MSRA: variants seen among roughly 807,000 people sequenced by gnomAD.
MSRA encodes the protein mitochondrial peptide methionine sulfoxide reductase.
MSRA carries 54 observed loss-of-function variants against 31.3 expected under a neutral mutation model. The observed-to-expected ratio is 1.73, with a 90% CI of 1.39 to 2.17. The LOEUF (loss-of-function observed/expected upper bound fraction) is 2.17. Ranked by LOEUF, MSRA falls within the 30% of genes most tolerant of loss-of-function variation. The pLI, the probability that MSRA is intolerant of heterozygous loss-of-function variation, is 0.00. For missense variants in MSRA, 507 were observed against 300.9 expected, an observed-to-expected ratio of 1.69 and a Z score of -5.07; for synonymous variants, 169 against 116.5, an observed-to-expected ratio of 1.45 and a Z score of -2.90.
chr8:10,320,335 G>C (rs1278061094), intron 5 of MSRA: 1 of 161,408 alleles, frequency 6.2e-6, no homozygotes, highest in Non-Finnish European at 1.4e-5. Flanking sequence ...AGGCATGGTG[G>C]CCTGCACCTA....
intron 1 of MSRA, among the ~76,000 whole-genome samples, chr8:10,069,460 A>C (rs962933279): frequency 6.6e-6 from 1 of 152,208 alleles, no homozygotes; most frequent in East Asian, 1.9e-4. Context: ...GAACTGGGTA[A>C]TTTATAAAGA....
chr8:10,174,164 TTCCAA>T (rs1805838180), intron 1 of MSRA, among the ~76,000 whole-genome samples: 1 of 152,172 alleles, frequency 6.6e-6, no homozygotes, highest in African/African-American at 2.4e-5. Context: ...TGTCTGCACA[TTCCAA>T]ACAGGGATTT....
chr8:10,183,261 A>G (rs989164104), intron 1 of MSRA, among the ~76,000 whole-genome samples: 2 of 152,204 alleles, frequency 1.3e-5, no homozygotes, highest in Non-Finnish European at 2.9e-5. Flanking sequence ...GGAGGTGATA[A>G]AGACAGCTTA....
intron 1 of MSRA, among the ~76,000 whole-genome samples, chr8:10,063,327 C>A (rs1489786681): frequency 6.6e-6 from 1 of 152,228 alleles, no homozygotes; most frequent in Non-Finnish European, 1.5e-5. Context: ...TTATCAACAT[C>A]TACCTAAAAT....
chr8:10,272,431 T>G (rs1799092972), intron 3 of MSRA, among the ~76,000 whole-genome samples: 1 of 152,202 alleles, frequency 6.6e-6, no homozygotes, highest in South Asian at 2.1e-4. Context: ...AATCAGTGTC[T>G]CAGCTCAATC....
intron 1 of MSRA, among the ~76,000 whole-genome samples, chr8:10,187,986 T>A (rs1326849017): frequency 6.6e-6 from 1 of 152,226 alleles, no homozygotes; most frequent in Admixed American, 6.5e-5. Flanking sequence ...TTACAGACTT[T>A]GAGTATTTGT....
At chr8:10,184,797 C>G (rs1346696475) in intron 1 of MSRA, among the ~76,000 whole-genome samples, 2 of 152,174 alleles carry the variant, frequency 1.3e-5, no homozygotes, top group African/African-American at 2.4e-5. Flanking sequence ...AGTCGTATAA[C>G]TGACAACTGT....
chr8:10,414,182 C>G (rs779610354), intron 5 of MSRA, among the ~76,000 whole-genome samples: 1 of 151,716 alleles, frequency 6.6e-6, no homozygotes. Flanking sequence ...AAAAAAAAAA[C>G]GAATTTTATG....
intron 5 of MSRA, among the ~76,000 whole-genome samples, chr8:10,422,585 GACAC>G (rs973121266): frequency 6.6e-6 from 1 of 152,130 alleles, no homozygotes; most frequent in Non-Finnish European, 1.5e-5. Flanking sequence ...AGGTCAGCAA[GACAC>G]ACACACAAAA....
chr8:10,414,770 C>T (rs80221058), intron 5 of MSRA, among the ~76,000 whole-genome samples: 7,116 of 152,216 alleles, frequency 0.047, 425 homozygotes, highest in African/African-American at 0.14. Flanking sequence ...CCTTGGCTTT[C>T]CCTGAAAAGT....
At chr8:10,158,106 G>T (rs1804316415) in intron 1 of MSRA, among the ~76,000 whole-genome samples, 2 of 152,160 alleles carry the variant, frequency 1.3e-5, no homozygotes, top group African/African-American at 4.8e-5. Flanking sequence ...TCACATGCTG[G>T]AAGGGCCTCT....
intron 5 of MSRA, among the ~76,000 whole-genome samples, chr8:10,422,572 A>T (rs1202372325): frequency 6.6e-6 from 1 of 152,156 alleles, no homozygotes; most frequent in Non-Finnish European, 1.5e-5. Flanking sequence ...ACTTCTTTCT[A>T]AAAGGTCAGC....
At chr8:10,362,598 C>T (rs1269437742) in intron 5 of MSRA, among the ~76,000 whole-genome samples, 1 of 151,928 alleles carries the variant, frequency 6.6e-6, no homozygotes, top group Non-Finnish European at 1.5e-5. Flanking sequence ...ACTGTTTTCT[C>T]TCCAAGCAGT....
At chr8:10,416,772 C>G (rs1808486444) in intron 5 of MSRA, among the ~76,000 whole-genome samples, 1 of 152,224 alleles carries the variant, frequency 6.6e-6, no homozygotes, top group Non-Finnish European at 1.5e-5. Flanking sequence ...CTTTGCATTT[C>G]TTGCAAACTT....
intron 1 of MSRA, among the ~76,000 whole-genome samples, chr8:10,151,665 C>G (rs913546009): frequency 1.3e-5 from 2 of 152,042 alleles, no homozygotes; most frequent in African/African-American, 4.8e-5. Flanking sequence ...CAAAACAAAA[C>G]AAAGAGAACA....
chr8:10,330,130 G>C (rs1354831019), intron 5 of MSRA, among the ~76,000 whole-genome samples: 1 of 145,224 alleles, frequency 6.9e-6, no homozygotes, highest in African/African-American at 2.5e-5. Flanking sequence ...TAATTTCTCT[G>C]ATACCAATTT....
At chr8:10,182,011 G>A (rs985787838) in intron 1 of MSRA, among the ~76,000 whole-genome samples, 2 of 152,080 alleles carry the variant, frequency 1.3e-5, no homozygotes, top group Non-Finnish European at 2.9e-5. Flanking sequence ...CAAGGGTGGG[G>A]CAGGGAGAGG....
intron 1 of MSRA, among the ~76,000 whole-genome samples, chr8:10,114,092 T>C (rs1800497920): frequency 6.6e-6 from 1 of 152,252 alleles, no homozygotes; most frequent in Non-Finnish European, 1.5e-5. Context: ...CTGGCTTCTT[T>C]TGCTTAGCAT....
At chr8:10,197,053 CGTT>C (rs1457924821) in intron 1 of MSRA, among the ~76,000 whole-genome samples, 5 of 152,156 alleles carry the variant, frequency 3.3e-5, no homozygotes, top group African/African-American at 1.2e-4. Flanking sequence ...CTACTTTCAA[CGTT>C]GTTATTCACA....
Sources: allele counts gnomAD v4.1 joint callset (sites outside exome capture counted in the v4.1 genomes callset), GRCh38; gene constraint gnomAD v4.1.1; transcripts MANE v1.5; gene names NCBI Gene and HGNC (gene_info 2026-07-23, HGNC 2026-07-21).